The following ASIC2 variants were observed in gnomAD, a reference collection of about 807,000 sequenced individuals.
ASIC2 encodes the protein acid-sensing ion channel 2.
Under a neutral mutation model 57.3 loss-of-function variants are expected in ASIC2, and 25 were observed. The ratio of observed to expected loss-of-function variants is 0.44; its 90% CI spans 0.32 to 0.61. The LOEUF is 0.61. Ranked by LOEUF, ASIC2 falls within the 20% of genes least tolerant of loss-of-function variation. The pLI is 0.06. For missense variants in ASIC2, 641 were observed against 738.1 expected (o/e 0.87, Z 1.52); for synonymous variants, 319 against 307.5 (o/e 1.04, Z -0.39).
At chr17:33,414,030 C>A (rs141510242) in intron 1 of ASIC2, among the ~76,000 whole-genome samples, 1 of 152,274 alleles carries the variant, frequency 6.6e-6, no homozygotes, top group Non-Finnish European at 1.5e-5. Flanking sequence ...CAGACATGGG[C>A]CCTGAGCTTG....
chr17:33,481,922 A>G (rs1268044803), intron 1 of ASIC2, among the ~76,000 whole-genome samples: 3 of 152,094 alleles, frequency 2.0e-5, no homozygotes, highest in Non-Finnish European at 4.4e-5. Context: ...CATTTTTGCC[A>G]AGTACAGTGC....
At chr17:33,099,803 C>T (rs2092203832) in intron 2 of ASIC2, among the ~76,000 whole-genome samples, 1 of 152,170 alleles carries the variant, frequency 6.6e-6, no homozygotes, top group Admixed American at 6.5e-5. Flanking sequence ...TGTTTACACA[C>T]ACCGATGGTG....
intron 1 of ASIC2, among the ~76,000 whole-genome samples, chr17:33,872,153 T>C (rs1914431263): frequency 6.6e-6 from 1 of 152,104 alleles, no homozygotes; most frequent in South Asian, 2.1e-4. Flanking sequence ...GGGGTGTAAA[T>C]AGTCTTCTGT....
chr17:33,151,181 GCACACA>G (rs56192428), intron 1 of ASIC2, among the ~76,000 whole-genome samples: 42 of 146,952 alleles, frequency 2.9e-4, no homozygotes, highest in Admixed American at 2.6e-3. Context: ...ACACACACAC[GCACACA>G]CACACACACA....
intron 1 of ASIC2, among the ~76,000 whole-genome samples, chr17:33,867,336 G>A (rs191426794): frequency 2.3e-4 from 35 of 152,146 alleles, no homozygotes; most frequent in African/African-American, 7.5e-4. Context: ...GGATCTTCAC[G>A]GTAATGATTT....
chr17:33,802,471 A>G (rs904426576), intron 1 of ASIC2, among the ~76,000 whole-genome samples: 4 of 152,216 alleles, frequency 2.6e-5, no homozygotes, highest in Admixed American at 1.3e-4. Flanking sequence ...GAGAACACAG[A>G]AAAGGTTGAC....
intron 1 of ASIC2, among the ~76,000 whole-genome samples, chr17:33,653,268 G>A (rs910042422): frequency 2.6e-5 from 4 of 152,146 alleles, no homozygotes; most frequent in African/African-American, 7.2e-5. Context: ...CTGACACCAC[G>A]TAATCAGTGA....
intron 1 of ASIC2, among the ~76,000 whole-genome samples, chr17:33,171,785 C>G (rs1905530812): frequency 1.3e-5 from 2 of 152,222 alleles, no homozygotes; most frequent in Non-Finnish European, 2.9e-5. Context: ...CCAACCTCAT[C>G]TCACTCTGGG....
At chr17:33,115,845 T>C (rs910113946) in intron 1 of ASIC2, among the ~76,000 whole-genome samples, 3 of 152,206 alleles carry the variant, frequency 2.0e-5, no homozygotes, top group African/African-American at 7.2e-5. Context: ...ATTGAATGAA[T>C]GAGTGAATGA....
intron 1 of ASIC2, among the ~76,000 whole-genome samples, chr17:33,995,289 C>T (rs1906122212): frequency 6.6e-6 from 1 of 152,148 alleles, no homozygotes; most frequent in Non-Finnish European, 1.5e-5. Context: ...GAATTAGGCC[C>T]TTTTCCTGTC....
rs141708832 is a variant in ASIC2, at chr17:33,264,659, G to A, written c.708+26749C>T. Among the ~76,000 whole-genome samples, 410 of 152,348 alleles carry A rather than the reference G, an allele frequency of 2.7e-3. 1 individual carries two copies. Among genetic ancestry groups the A allele is most frequent in the Non-Finnish European group, 4.0e-3 (272 of 68,040 alleles). On this transcript the variant is annotated intron_variant, in intron 1 of 9. Transcript: ENST00000225823. Reference sequence around the variant, plus strand: ...AACAATGTCAGATCAAGAGCCAAGCGATCAGTGCTTTGGTCCCCCTGTTTC... The same window carrying A: ...AACAATGTCAGATCAAGAGCCAAGCAATCAGTGCTTTGGTCCCCCTGTTTC...
intron 1 of ASIC2, among the ~76,000 whole-genome samples, chr17:33,576,783 C>T (rs1747760965): frequency 2.3e-5 from 2 of 87,918 alleles, no homozygotes; most frequent in African/African-American, 1.9e-4. Flanking sequence ...GCAAAGGGCA[C>T]CTGGTTCTTT....
chr17:34,099,177 AAAGAAAGAAAGAAAGAAAGAAAG>A (rs1910694050), intron 1 of ASIC2, among the ~76,000 whole-genome samples: 1 of 21,128 alleles, frequency 4.7e-5, no homozygotes, highest in Non-Finnish European at 1.7e-4. Context: ...AGAAAGAAAG[AAAGAAAGAAAGAAAGAAAGAAAG>A]AAAGAAAGAA....
intron 1 of ASIC2, among the ~76,000 whole-genome samples, chr17:33,998,227 A>T (rs752866862): frequency 1.3e-5 from 2 of 152,044 alleles, no homozygotes; most frequent in Non-Finnish European, 2.9e-5. Context: ...CTGCAGTATT[A>T]GTTGTAACAT....
At chr17:33,019,422 T>C (rs1243602846) in intron 7 of ASIC2, among the ~76,000 whole-genome samples, 1 of 151,794 alleles carries the variant, frequency 6.6e-6, no homozygotes, top group Non-Finnish European at 1.5e-5. Context: ...AGCTGTGTGA[T>C]TGGAACGTGG....
At chr17:34,050,110 A>G (rs986018460) in intron 1 of ASIC2, among the ~76,000 whole-genome samples, 1 of 152,226 alleles carries the variant, frequency 6.6e-6, no homozygotes, top group Non-Finnish European at 1.5e-5. Flanking sequence ...AAAACTGAGC[A>G]CCATTATCTT....
At chr17:33,147,602 G>A (rs993795693) in intron 1 of ASIC2, among the ~76,000 whole-genome samples, 7 of 151,970 alleles carry the variant, frequency 4.6e-5, no homozygotes, top group South Asian at 2.1e-4. Flanking sequence ...GAGGGACTAC[G>A]GTGCAGCAGC....
At chr17:33,841,086 C>T (rs1250850404) in intron 1 of ASIC2, among the ~76,000 whole-genome samples, 1 of 152,128 alleles carries the variant, frequency 6.6e-6, no homozygotes, top group East Asian at 1.9e-4. Flanking sequence ...AGACACAATC[C>T]TTTTCTCAAG....
At chr17:33,536,646 G>T (rs1915239494) in intron 1 of ASIC2, among the ~76,000 whole-genome samples, 1 of 152,106 alleles carries the variant, frequency 6.6e-6, no homozygotes, top group African/African-American at 2.4e-5. Context: ...GCTCCTAACT[G>T]GTCTTCCTGT....
Sources: allele counts gnomAD v4.1 joint callset (sites outside exome capture counted in the v4.1 genomes callset), GRCh38; gene constraint gnomAD v4.1.1; transcripts MANE v1.5; gene names NCBI Gene and HGNC (gene_info 2026-07-23, HGNC 2026-07-21).